The following PCDHGB6 variants were observed in gnomAD, a reference collection of about 807,000 sequenced individuals.
PCDHGB6 encodes protocadherin gamma subfamily B, 6, also known as protocadherin gamma-B6.
Under a neutral mutation model 59.1 loss-of-function variants are expected in PCDHGB6, and 51 were observed. The ratio of observed to expected loss-of-function variants is 0.86; its 90% CI spans 0.69 to 1.09. The LOEUF (loss-of-function observed/expected upper bound fraction) is 1.09, where lower values mean the gene tolerates loss of function less well. Among genes scored for constraint, PCDHGB6 ranks in the 50% least tolerant of loss-of-function variants. PCDHGB6 has a pLI of 0.00. For missense variants in PCDHGB6, 1,148 were observed against 1,205.1 expected (o/e 0.95, Z 0.70); for synonymous variants, 466 against 495.1 (o/e 0.94, Z 0.78).
intron 1 of PCDHGB6, among the ~76,000 whole-genome samples, chr5:141,475,215 T>C (rs768665396): frequency 2.6e-5 from 4 of 152,176 alleles, no homozygotes; most frequent in Non-Finnish European, 5.9e-5. Flanking sequence ...AAAGGATTGA[T>C]CAAGTAAAGG....
intron 1 of PCDHGB6, among the ~76,000 whole-genome samples, chr5:141,455,291 A>G (rs1212745731): frequency 6.6e-6 from 1 of 152,072 alleles, no homozygotes; most frequent in Non-Finnish European, 1.5e-5. Flanking sequence ...CACTTTACAT[A>G]GTTTCATCTT....
intron 1 of PCDHGB6, among the ~76,000 whole-genome samples, chr5:141,454,989 T>C (rs1460420144): frequency 6.6e-6 from 1 of 151,506 alleles, no homozygotes; most frequent in East Asian, 2.0e-4. Context: ...TTAAAAAATA[T>C]TTTTAGTAGA....
chr5:141,503,598 CAAA>C (rs765754054), intron 2 of PCDHGB6, among the ~76,000 whole-genome samples: 9 of 65,742 alleles, frequency 1.4e-4, no homozygotes, highest in Admixed American at 3.4e-4. Context: ...GACTCCAGCT[CAAA>C]AAAAAAAAAA....
intron 1 of PCDHGB6, among the ~76,000 whole-genome samples, chr5:141,444,982 A>G (rs10066383): frequency 7.1e-4 from 108 of 152,272 alleles, no homozygotes; most frequent in African/African-American, 2.5e-3. Flanking sequence ...ATCCATGAAC[A>G]TGGTATATAT....
In PCDHGB6 at chr5:141,421,624, A is replaced by G; in HGVS notation, c.2418+11004A>G. On this transcript the variant is annotated intron_variant, in intron 1 of 3. Transcript: ENST00000520790. ...AATAGATATTAATGATAACGCCCCC[A>G]GCTTCCAGGAGGACGAAGTGGAGAT... 2.5e-6 allele frequency: 4 copies of G among 1,613,872 alleles called. No homozygotes were observed. The South Asian group carries it at 3.3e-5, about 13-fold the overall frequency.
intron 1 of PCDHGB6, chr5:141,421,975 G>T: frequency 6.2e-7 from 1 of 1,610,052 alleles, no homozygotes; most frequent in African/African-American, 1.3e-5. Context: ...CGTATATCGC[G>T]TGAGTGTTCC....
At position 141,432,627 on chromosome 5, in the gene PCDHGB6, C is replaced by A. The variant is rs886117102; in HGVS notation, c.2418+22007C>A. 1 of 1,613,652 alleles carries A rather than the reference C, an allele frequency of 6.2e-7. No homozygotes were observed. The highest frequency in any genetic ancestry group is 8.5e-7 in the Non-Finnish European group (1 of 1,179,952). On this transcript the variant is annotated intron_variant, in intron 1 of 3. Transcript: ENST00000520790. This position sits in a 1 kb window ranked among gnomAD's most constrained non-coding sequence, Gnocchi z 6.0. ...GGACTCTTCTCGGTGGGTCTGCACA[C>A]GGGCGAGGTGCGCACGGCGCGAGCC...
chr5:141,478,017 T>C lies in PCDHGB6; in HGVS notation c.2419-16790T>C, dbSNP rs776415195. ...GGTCAAATCAGTACTGCCCGTCCAG[T>C]CCAAGACACAGATTCACCCAGGCAG... On this transcript the variant is annotated intron_variant, in intron 1 of 3. Transcript: ENST00000520790. 15 of 1,613,910 alleles carry C rather than the reference T, an allele frequency of 9.3e-6. No homozygotes were observed. In the African/African-American group the frequency reaches 1.9e-4, roughly 20 times the overall value.
In PCDHGB6 at chr5:141,418,027, T is replaced by C. The variant is rs536104184; in HGVS notation, c.2418+7407T>C. On this transcript the variant is annotated intron_variant, in intron 1 of 3. Coordinates refer to ENST00000520790, the MANE Select transcript of PCDHGB6 (RefSeq NM_018926.3). ...GGAACCTCGCTAAGGATCTAGGGCT[T>C]AGTGTCCTGGATGTGTCGGCTCGCG... is the stretch of plus-strand genomic sequence containing the variant. 144 of 1,613,732 alleles carry C rather than the reference T, an allele frequency of 8.9e-5. No homozygotes were observed. The East Asian group carries it at 1.2e-3, about 14-fold the overall frequency.
intron 1 of PCDHGB6, among the ~76,000 whole-genome samples, chr5:141,482,079 C>A (rs2099551704): frequency 8.4e-6 from 1 of 119,308 alleles, no homozygotes; most frequent in African/African-American, 3.8e-5. Context: ...GAACAAAACT[C>A]ACTCCATCTC....
chr5:141,409,278 A>C lies in PCDHGB6; in HGVS notation c.1076A>C (p.Asn359Thr). Reference sequence around the variant, plus strand: ...TCTCTCTCTGATCAGATTTTGGAGAATTCACCTCCAGGAATGGTTGTTGCC... The same window carrying C: ...TCTCTCTCTGATCAGATTTTGGAGACTTCACCTCCAGGAATGGTTGTTGCC... Reference protein sequence around the residue: ...ITSLSDQILENSPPGMVVALF... With the variant: ...ITSLSDQILETSPPGMVVALF... Residue 359 changes from asparagine to threonine, a missense_variant, in exon 1 of 4, where the codon AAT (asparagine) becomes ACT (threonine). By Grantham distance (65) the Asn-to-Thr change is moderately conservative (BLOSUM62 0). This residue lies in a region of PCDHGB6 where 549 missense variants were observed against 527.5 expected (regional missense o/e 1.04). Transcript: ENST00000520790. 6.2e-7 allele frequency: 1 copy of C among 1,614,022 alleles called. No homozygotes were observed. The highest frequency in any genetic ancestry group is 8.5e-7 in the Non-Finnish European group (1 of 1,179,906).
rs767669019 is a variant in PCDHGB6, at chr5:141,408,290, A to T, written c.88A>T (p.Ser30Cys). ...LLLPLFYPTL[S>C]EPIRYSIPEE... is the part of the protein sequence containing the mutation. Reference sequence around the variant, plus strand: ...GCTGCCTTTGTTCTACCCCACCCTGAGTGAGCCGATCCGCTACTCGATTCC... The same window carrying T: ...GCTGCCTTTGTTCTACCCCACCCTGTGTGAGCCGATCCGCTACTCGATTCC... The change falls in exon 1 of 4, where the codon AGT (serine) becomes TGT (cysteine). Residue 30 changes from serine to cysteine, a missense_variant. Around this residue, in one of 5 missense-constraint regions of PCDHGB6, gnomAD observed 307 missense variants for 323.8 expected, o/e 0.95. Transcript: ENST00000520790. The T allele has an allele frequency of 5.0e-5, 80 of 1,613,008 alleles. No individual in the cohort carries two copies. Among genetic ancestry groups the T allele is most frequent in the Non-Finnish European group, 6.1e-5 (72 of 1,179,402 alleles).
chr5:141,485,421 C>G lies in PCDHGB6; in HGVS notation c.2419-9386C>G. The G allele has an allele frequency of 6.2e-7, 1 of 1,614,112 alleles. No individual in the cohort carries two copies. The highest frequency in any genetic ancestry group is 1.1e-5 in the South Asian group (1 of 91,080). ...TTCCGTGTGGATTTGGACAGCGGAG[C>G]CCTGCTCATCAAGAACCCAATCGAC... On this transcript the variant is annotated intron_variant, in intron 1 of 3. Transcript: ENST00000520790. This position sits in a 1 kb window ranked among gnomAD's most constrained non-coding sequence, Gnocchi z 5.7.
chr5:141,416,791 G>C (rs1389798483), intron 1 of PCDHGB6: 1 of 152,166 alleles, frequency 6.6e-6, no homozygotes, highest in Non-Finnish European at 1.5e-5. Flanking sequence ...TCTACTAAAT[G>C]TGGTAGTATA....
In PCDHGB6 at chr5:141,409,573, C is replaced by A. The variant is rs562811168; in HGVS notation, c.1371C>A (p.Tyr457Ter). 7 of 1,613,816 alleles carry A rather than the reference C, an allele frequency of 4.3e-6. No individual in the cohort carries two copies. In the Admixed American group the frequency reaches 1.2e-4, roughly 27 times the overall value. ...DNAPVFDQTS[Y>*]VVHVAENNPP... ...CCCCAGTTTTCGACCAGACGTCCTA[C>A]GTGGTCCACGTGGCCGAGAACAACC... The change falls in exon 1 of 4, where the codon TAC becomes TAA. Residue 457 changes from tyrosine (Y) to a stop codon, truncating the protein, a stop_gained. Transcript: ENST00000520790. LOFTEE classifies it high-confidence loss of function.
intron 1 of PCDHGB6, chr5:141,419,330 C>T: frequency 1.2e-6 from 2 of 1,613,956 alleles, no homozygotes; most frequent in South Asian, 1.1e-5. Flanking sequence ...CTCCTACTCT[C>T]TCATTGCCAG....
intron 1 of PCDHGB6, chr5:141,478,323 G>T (rs1234175290): frequency 1.2e-6 from 2 of 1,613,958 alleles, no homozygotes; most frequent in African/African-American, 2.7e-5. Context: ...TCACTGTACC[G>T]AACACCAGGG....
rs1417059875 is a variant in PCDHGB6 at position 141,496,499 on chromosome 5, G to C, written c.2477+1634G>C. 2.6e-5 allele frequency among the ~76,000 whole-genome samples: 4 copies of C among 152,102 alleles called. No individual in the cohort carries two copies. In the East Asian group the frequency reaches 7.7e-4, roughly 29 times the overall value. On this transcript the variant is annotated intron_variant, in intron 2 of 3. Coordinates refer to ENST00000520790, the MANE Select transcript of PCDHGB6 (RefSeq NM_018926.3). ...TCCTGCAACCAACCAAACCCTTGTT[G>C]CCACAAGGACCCAGGAGCCCTTGGT...
Position 141,490,731 on chromosome 5 carries a change from G to A in PCDHGB6, c.2419-4076G>A, listed in dbSNP as rs139283997. The A allele has an allele frequency of 6.8e-6, 11 of 1,614,080 alleles. No homozygotes were observed. In the African/African-American group the frequency reaches 1.1e-4, roughly 16 times the overall value. Reference sequence around the variant, plus strand: ...TCACCTACTCCATTGTAGGAAATCAGGTTCAGGGAGCCCCAGCCTCCTCCT... The same window carrying A: ...TCACCTACTCCATTGTAGGAAATCAAGTTCAGGGAGCCCCAGCCTCCTCCT... On this transcript the variant is annotated intron_variant, in intron 1 of 3. Transcript: ENST00000520790. The surrounding 1 kb of genome is among the most constrained non-coding windows in gnomAD (Gnocchi z 5.4).
Sources: allele counts gnomAD v4.1 joint callset (sites outside exome capture counted in the v4.1 genomes callset), GRCh38; gene constraint gnomAD v4.1.1; regional missense constraint gnomAD v4.1.1; non-coding constraint Gnocchi (gnomAD v3.1); transcripts MANE v1.5; gene names NCBI Gene and HGNC (gene_info 2026-07-23, HGNC 2026-07-21).